The following ASZ1 variants were observed in gnomAD, a reference collection of about 807,000 sequenced individuals.
The protein encoded by ASZ1 is ankyrin repeat, SAM and basic leucine zipper domain-containing protein 1.
In ASZ1, 67 loss-of-function variants were observed where a neutral mutation model predicts 61.8. The ratio of observed to expected loss-of-function variants is 1.08; its 90% CI spans 0.89 to 1.33. ASZ1 has a LOEUF of 1.33. Among genes scored for constraint, ASZ1 ranks in the 40% most tolerant of loss-of-function variants. The pLI, the probability that ASZ1 is intolerant of heterozygous loss-of-function variation, is 0.00. For missense variants in ASZ1, 577 were observed against 554.5 expected (o/e 1.04, Z -0.41); for synonymous variants, 193 against 192.7 (o/e 1.00, Z -0.01).
chr7:117,425,423 G>C (rs1242733410), intron 2 of ASZ1, among the ~76,000 whole-genome samples: 2 of 151,334 alleles, frequency 1.3e-5, no homozygotes, highest in Admixed American at 1.3e-4. Context: ...CCGCCACCAC[G>C]CCCAGCTAAT....
chr7:117,368,788 G>C (rs1251986354), intron 10 of ASZ1, 71 bp from the exon 11 acceptor site: 21 of 1,587,364 alleles, frequency 1.3e-5, no homozygotes, highest in Non-Finnish European at 1.7e-5. Context: ...TACTAGGCAA[G>C]TTACTGAAAA....
At chr7:117,415,493 T>C (rs1051918313) in intron 4 of ASZ1, among the ~76,000 whole-genome samples, 2 of 152,226 alleles carry the variant, frequency 1.3e-5, no homozygotes, top group African/African-American at 4.8e-5. Context: ...AGAGAAACCA[T>C]ATTCACATAA....
At chr7:117,407,945 A>T (rs545437054) in intron 4 of ASZ1, among the ~76,000 whole-genome samples, 1 of 152,290 alleles carries the variant, frequency 6.6e-6, no homozygotes, top group South Asian at 2.1e-4. Context: ...GATACACTGA[A>T]CAAAGAGATA....
intron 10 of ASZ1, among the ~76,000 whole-genome samples, chr7:117,371,039 C>T (rs566656035): frequency 6.6e-6 from 1 of 152,054 alleles, no homozygotes; most frequent in South Asian, 2.1e-4. Context: ...TGGCCCGGCT[C>T]GCCTTGAACT....
intron 4 of ASZ1, among the ~76,000 whole-genome samples, chr7:117,392,385 G>A (rs1796487544): frequency 6.6e-6 from 1 of 151,974 alleles, no homozygotes; most frequent in African/African-American, 2.4e-5. Flanking sequence ...CAGTTCTCCT[G>A]TAGAGATCTT....
At chr7:117,381,539 C>G (rs775456292) in intron 8 of ASZ1, among the ~76,000 whole-genome samples, 7 of 152,082 alleles carry the variant, frequency 4.6e-5, no homozygotes, top group Non-Finnish European at 8.8e-5. Context: ...TGCTTTACTG[C>G]TTCAGTATCT....
At chr7:117,403,428 C>T (rs1335928829) in intron 4 of ASZ1, among the ~76,000 whole-genome samples, 3 of 152,066 alleles carry the variant, frequency 2.0e-5, no homozygotes, top group African/African-American at 7.2e-5. Context: ...TTCAGCACTA[C>T]TATTTGCTAT....
intron 7 of ASZ1, 85 bp from the exon 8 acceptor site, chr7:117,382,229 T>C: frequency 3.7e-6 from 3 of 805,780 alleles, no homozygotes; most frequent in Non-Finnish European, 6.3e-6. Context: ...CAAGAGAATA[T>C]GAATAATAAT....
At chr7:117,377,895 C>A (rs917072234) in intron 10 of ASZ1, among the ~76,000 whole-genome samples, 1 of 151,852 alleles carries the variant, frequency 6.6e-6, no homozygotes, top group African/African-American at 2.4e-5. Flanking sequence ...CAAATATGTG[C>A]AATTAATTTT....
At chr7:117,417,478 A>C (rs1285663048) in intron 4 of ASZ1, among the ~76,000 whole-genome samples, 3 of 152,182 alleles carry the variant, frequency 2.0e-5, no homozygotes, top group Admixed American at 6.5e-5. Flanking sequence ...TAAAGCTCCC[A>C]ATCTTCTAAT....
intron 10 of ASZ1, among the ~76,000 whole-genome samples, chr7:117,371,742 T>C (rs1796054469): frequency 6.6e-6 from 1 of 152,136 alleles, no homozygotes. Flanking sequence ...ACTAAATGAG[T>C]AATTCACTAA....
intron 10 of ASZ1, among the ~76,000 whole-genome samples, chr7:117,371,810 T>C (rs541903152): frequency 1.3e-5 from 2 of 152,306 alleles, no homozygotes; most frequent in African/African-American, 4.8e-5. Context: ...AGAATTATCA[T>C]TGGAAGTATC....
At chr7:117,391,123 C>G (rs1208625724) in intron 4 of ASZ1, among the ~76,000 whole-genome samples, 1 of 144,208 alleles carries the variant, frequency 6.9e-6, no homozygotes, top group Non-Finnish European at 1.5e-5. Flanking sequence ...GCTTGTATGT[C>G]TTTTTTTTTT....
rs71148368 is a variant in ASZ1 at position 117,425,259 on chromosome 7, C to CTTTTT, written c.205+1572_205+1576dup. On this transcript the variant is annotated intron_variant, in intron 2 of 12. Transcript: ENST00000284629. ...TGCTTGTTATTCCTTTGAGTAATTT[C>CTTTTT]TTTTTTTTTTTTTTTTTTTTTTTTG... Among the ~76,000 whole-genome samples, 270 of 93,832 alleles carry CTTTTT rather than the reference C, an allele frequency of 2.9e-3. 8 individuals are homozygous for CTTTTT. Among genetic ancestry groups the CTTTTT allele is most frequent in the East Asian group, 5.2e-3 (13 of 2,518 alleles). 61.6% of individuals were successfully genotyped at this position (93,832 alleles called of 152,430 possible).
At chr7:117,382,354 TG>T (rs1470286349) in intron 7 of ASZ1, among the ~76,000 whole-genome samples, 14 of 152,164 alleles carry the variant, frequency 9.2e-5, no homozygotes, top group African/African-American at 3.1e-4. Flanking sequence ...TTTCCCCAAA[TG>T]AAAATATATG....
chr7:117,379,937 C>T lies in ASZ1; in HGVS notation c.1055+1G>A. 6.4e-7 allele frequency: 1 copy of T among 1,554,036 alleles called. No homozygotes were observed. Among genetic ancestry groups the T allele is most frequent in the Non-Finnish European group, 8.8e-7 (1 of 1,130,504 alleles). ...AATATAAACAAATAAGTTAATTTTACCTGATTTCCAACTTTGTCTCTTCAG... is the reference window on the plus strand; with the variant it reads ...AATATAAACAAATAAGTTAATTTTATCTGATTTCCAACTTTGTCTCTTCAG... On this transcript the variant is annotated splice_donor_variant, in intron 10 of 12. Coordinates refer to ENST00000284629, the MANE Select transcript of ASZ1 (RefSeq NM_130768.3). LOFTEE classifies it high-confidence loss of function.
chr7:117,414,044 CAAT>C (rs1428855327), intron 4 of ASZ1, among the ~76,000 whole-genome samples: 1 of 151,728 alleles, frequency 6.6e-6, no homozygotes, highest in South Asian at 2.1e-4. Flanking sequence ...GAATATGGCA[CAAT>C]GAGACTGAAA....
intron 4 of ASZ1, among the ~76,000 whole-genome samples, chr7:117,397,982 G>A (rs1458533627): frequency 6.6e-6 from 1 of 152,188 alleles, no homozygotes; most frequent in Non-Finnish European, 1.5e-5. Context: ...AGCCAATAGG[G>A]ACCTCAAAAA....
At chr7:117,390,728 A>C (rs1796449183) in intron 4 of ASZ1, among the ~76,000 whole-genome samples, 1 of 151,974 alleles carries the variant, frequency 6.6e-6, no homozygotes, top group Non-Finnish European at 1.5e-5. Context: ...TTTTGAGAAG[A>C]AGCCTCACTC....
Sources: gnomAD v4.1 joint callset for allele counts (sites outside exome capture counted in the v4.1 genomes callset) on GRCh38, gnomAD v4.1.1 for gene constraint, MANE v1.5 for transcripts, NCBI Gene and HGNC (gene_info 2026-07-23, HGNC 2026-07-21) for gene names.